The following CSMD3 variants were observed in gnomAD, a reference collection of about 807,000 sequenced individuals.
The protein encoded by CSMD3 is CUB and sushi domain-containing protein 3.
Under a neutral mutation model 435.2 loss-of-function variants are expected in CSMD3, and 177 were observed. That is an observed-to-expected ratio of 0.41 (90% confidence interval 0.36 to 0.46). The LOEUF (loss-of-function observed/expected upper bound fraction) is 0.46. Ranked by LOEUF, CSMD3 falls within the 20% of genes least tolerant of loss-of-function variation. The pLI, the probability that CSMD3 is intolerant of heterozygous loss-of-function variation, is 0.34. For synonymous variants in CSMD3, 1,656 were observed against 1,520.5 expected (o/e 1.09, Z -2.07); for missense variants, 4,265 against 4,504.6 (o/e 0.95, Z 1.52).
Position 112,223,262 on chromosome 8 carries a change from T to G in CSMD3, c.*1509A>C, listed in dbSNP as rs1291350927. ...CAAAACAATGTATCTCAAAGTGGTT[T>G]ACAAGAAATTCATTAAATGTTGTAG... On this transcript the variant is annotated 3_prime_UTR_variant, in exon 71 of 71. Transcript: ENST00000297405. 5.2e-6 allele frequency: 2 copies of G among 382,672 alleles called. No homozygotes were observed. The highest frequency in any genetic ancestry group is 7.3e-5 in the East Asian group (2 of 27,374). 23.7% of individuals were successfully genotyped at this position (382,672 alleles called of 1,614,324 possible). A position where few individuals can be genotyped will look rare whatever the true frequency, so the allele number is the denominator to read the frequency against.
intron 57 of CSMD3, among the ~76,000 whole-genome samples, chr8:112,288,861 C>A (rs959312140): frequency 2.0e-5 from 3 of 151,976 alleles, no homozygotes; most frequent in Non-Finnish European, 4.4e-5. Context: ...AGATAAATAT[C>A]TTTAATAAAA....
chr8:113,112,914 A>G (rs909916016), intron 4 of CSMD3, among the ~76,000 whole-genome samples: 1 of 152,210 alleles, frequency 6.6e-6, no homozygotes, highest in African/African-American at 2.4e-5. Context: ...TAACATGATC[A>G]AAACTGCATA....
intron 13 of CSMD3, among the ~76,000 whole-genome samples, chr8:112,796,185 A>C (rs1198460772): frequency 6.6e-6 from 1 of 152,120 alleles, no homozygotes; most frequent in Non-Finnish European, 1.5e-5. Context: ...TTAGGATATA[A>C]TATTGCATAA....
chr8:112,725,321 A>G (rs2076940117), intron 13 of CSMD3, among the ~76,000 whole-genome samples: 1 of 151,946 alleles, frequency 6.6e-6, no homozygotes, highest in South Asian at 2.1e-4. Flanking sequence ...GTAGCTTTAG[A>G]TAGAAGCATT....
chr8:112,727,674 G>A (rs889586833), intron 13 of CSMD3, among the ~76,000 whole-genome samples: 1 of 151,692 alleles, frequency 6.6e-6, no homozygotes, highest in Admixed American at 6.6e-5. Flanking sequence ...GAAAGTCATT[G>A]TATACTATCT....
In CSMD3 at chr8:113,246,862, T is replaced by C. The variant is rs2093281278; in HGVS notation, c.514+31730A>G. 1.3e-5 allele frequency among the ~76,000 whole-genome samples: 2 copies of C among 152,192 alleles called. 1 individual carries two copies. Among genetic ancestry groups the C allele is most frequent in the South Asian group, 4.1e-4 (2 of 4,836 alleles). On this transcript the variant is annotated intron_variant, in intron 3 of 70. Coordinates refer to ENST00000297405, the MANE Select transcript of CSMD3 (RefSeq NM_198123.2). ...TTGACTAAGATTGAACGGAGATTTATTTAAATTCCTTGAACCAGTAAATCT... is the reference window on the plus strand; with the variant it reads ...TTGACTAAGATTGAACGGAGATTTACTTAAATTCCTTGAACCAGTAAATCT...
intron 27 of CSMD3, among the ~76,000 whole-genome samples, chr8:112,539,796 T>C (rs1048301199): frequency 1.3e-5 from 2 of 152,058 alleles, no homozygotes; most frequent in Non-Finnish European, 2.9e-5. Flanking sequence ...TCTATGAAAC[T>C]ACCAGAAGAA....
At chr8:112,363,152 C>A (rs958742641) in intron 38 of CSMD3, among the ~76,000 whole-genome samples, 1 of 152,050 alleles carries the variant, frequency 6.6e-6, no homozygotes, top group East Asian at 1.9e-4. Context: ...GTTTTCTATG[C>A]CTCAGTTTCC....
chr8:113,248,458 GTGTGTGTGTGATATATATGTATATA>G (rs952861561), intron 3 of CSMD3, among the ~76,000 whole-genome samples: 23 of 300 alleles, frequency 0.077, no homozygotes, highest in Non-Finnish European at 0.11. Flanking sequence ...GGAAATATAT[GTGTGTGTGTGATATATATGTATATA>G]TACATATATA....
intron 12 of CSMD3, among the ~76,000 whole-genome samples, chr8:112,827,122 T>C (rs2079707384): frequency 7.2e-6 from 1 of 139,158 alleles, no homozygotes. Context: ...GTATTTAAGA[T>C]AATTTTGACA....
intron 1 of CSMD3, among the ~76,000 whole-genome samples, chr8:113,346,551 A>AC (rs1320513592): frequency 2.0e-5 from 3 of 152,062 alleles, no homozygotes; most frequent in Non-Finnish European, 2.9e-5. Context: ...TGTATATGTA[A>AC]CCACATTATT....
intron 5 of CSMD3, among the ~76,000 whole-genome samples, chr8:113,048,876 T>C (rs1366522801): frequency 6.6e-6 from 1 of 152,170 alleles, no homozygotes; most frequent in Non-Finnish European, 1.5e-5. Context: ...AGTCTGAATA[T>C]TTTCTCTATC....
intron 35 of CSMD3, among the ~76,000 whole-genome samples, chr8:112,401,248 T>A (rs1831312741): frequency 6.6e-6 from 1 of 152,030 alleles, no homozygotes; most frequent in South Asian, 2.1e-4. Flanking sequence ...AGTCTCATAT[T>A]CTCTATTCTA....
Position 113,125,589 on chromosome 8 carries a change from TGAGAGTTCA to T in CSMD3, c.710-26635_710-26627del, listed in dbSNP as rs535571050. Among the ~76,000 whole-genome samples, 40 of 151,904 alleles carry T rather than the reference TGAGAGTTCA, an allele frequency of 2.6e-4. No homozygotes were observed. In the South Asian group the frequency reaches 7.9e-3, roughly 30 times the overall value. On this transcript the variant is annotated intron_variant, in intron 4 of 70. Coordinates refer to ENST00000297405, the MANE Select transcript of CSMD3 (RefSeq NM_198123.2). ...TCAAGAATCTTAGATATCATAAAAC[TGAGAGTTCA>T]GAAAGATGAGAAATAAATACAGTAG...
intron 41 of CSMD3, among the ~76,000 whole-genome samples, chr8:112,341,999 C>A (rs1375119851): frequency 6.6e-6 from 1 of 152,054 alleles, no homozygotes; most frequent in Non-Finnish European, 1.5e-5. Context: ...CTTTAAATTA[C>A]ATAAACTAAT....
At chr8:113,288,086 G>A (rs1297045304) in intron 2 of CSMD3, among the ~76,000 whole-genome samples, 2 of 151,718 alleles carry the variant, frequency 1.3e-5, no homozygotes, top group East Asian at 1.9e-4. Flanking sequence ...TTGATTTCTA[G>A]CACAAGTTAC....
chr8:112,361,572 C>CATACATATAT (rs1314097693), intron 38 of CSMD3, among the ~76,000 whole-genome samples: 34 of 107,186 alleles, frequency 3.2e-4, no homozygotes, highest in African/African-American at 1.0e-3. Flanking sequence ...TATACACATA[C>CATACATATAT]ATATATATAT....
chr8:113,148,080 T>TA (rs1209271644), intron 4 of CSMD3, among the ~76,000 whole-genome samples: 1 of 151,770 alleles, frequency 6.6e-6, no homozygotes, highest in Non-Finnish European at 1.5e-5. Flanking sequence ...AGGATAAATT[T>TA]AAAAAATCTT....
chr8:112,726,182 C>A (rs1161815745), intron 13 of CSMD3, among the ~76,000 whole-genome samples: 1 of 151,946 alleles, frequency 6.6e-6, no homozygotes, highest in African/African-American at 2.4e-5. Flanking sequence ...TTACCTCCAC[C>A]TGGTCTCTCA....
Sources: allele counts gnomAD v4.1 joint callset (sites outside exome capture counted in the v4.1 genomes callset), GRCh38; gene constraint gnomAD v4.1.1; transcripts MANE v1.5; gene names NCBI Gene and HGNC (gene_info 2026-07-23, HGNC 2026-07-21).